Variants in LUC7L observed in about 807,000 individuals in gnomAD.
LUC7L encodes the protein putative RNA-binding protein Luc7-like 1.
A neutral mutation model predicts 51.1 loss-of-function variants in LUC7L; 29 were observed. The ratio of observed to expected loss-of-function variants is 0.57; its 90% CI spans 0.42 to 0.77. LUC7L has a LOEUF of 0.77. Ranked by LOEUF, LUC7L falls within the 30% of genes least tolerant of loss-of-function variation. LUC7L has a pLI of 0.00. For synonymous variants in LUC7L, 181 were observed against 180.7 expected, an observed-to-expected ratio of 1.00 and a Z score of -0.01; for missense variants, 403 against 511.9, an observed-to-expected ratio of 0.79 and a Z score of 2.05.
chr16:225,032 C>A (rs1208426614), intron 2 of LUC7L, among the ~76,000 whole-genome samples: 1 of 152,186 alleles, frequency 6.6e-6, no homozygotes, highest in Non-Finnish European at 1.5e-5. Flanking sequence ...TCAAGCAGAG[C>A]TGAAATATCA....
Position 189,053 on chromosome 16 carries a change from C to G in LUC7L, c.*145G>C. The G allele has an allele frequency of 1.1e-6, 1 of 916,766 alleles. No individual in the cohort carries two copies. Among genetic ancestry groups the G allele is most frequent in the Non-Finnish European group, 1.7e-6 (1 of 600,840 alleles). 56.8% of individuals were successfully genotyped at this position (916,766 alleles called of 1,614,324 possible). A position where few individuals can be genotyped will look rare whatever the true frequency, so the allele number is the denominator to read the frequency against. ...ATGACCCGGGAACACAGGAGCAACT[C>G]TGTACACTTCTAGAAACTCACAGCT... On this transcript the variant is annotated 3_prime_UTR_variant, in exon 10 of 10. Coordinates refer to ENST00000293872, the MANE Select transcript of LUC7L (RefSeq NM_201412.3).
At chr16:211,910 C>A (rs1241155113) in intron 3 of LUC7L, among the ~76,000 whole-genome samples, 1 of 152,164 alleles carries the variant, frequency 6.6e-6, no homozygotes, top group African/African-American at 2.4e-5. Flanking sequence ...GGTCACTGAG[C>A]CTGAGAAAAG....
rs184858254 is a variant in LUC7L at position 196,311 on chromosome 16, G to A, written c.687+2751C>T. On this transcript the variant is annotated intron_variant, in intron 6 of 9. Coordinates refer to ENST00000293872, the MANE Select transcript of LUC7L (RefSeq NM_201412.3). ...TAGTACCAGCTACTTGGAGGGCTGA[G>A]GCAGGAGTATCTCTTGAAGCTGGGA... is the stretch of plus-strand genomic sequence containing the variant. Among the ~76,000 whole-genome samples, 420 of 152,164 alleles carry A rather than the reference G, an allele frequency of 2.8e-3. 1 individual carries two copies. The highest frequency in any genetic ancestry group is 0.014 in the Middle Eastern group (4 of 294).
At chr16:196,537 T>C (rs1439968835) in intron 6 of LUC7L, among the ~76,000 whole-genome samples, 2 of 152,164 alleles carry the variant, frequency 1.3e-5, no homozygotes, top group African/African-American at 4.8e-5. Flanking sequence ...AAACAATTTT[T>C]TTTTCTTTAA....
At chr16:203,190 C>G (rs182404210) in intron 5 of LUC7L, among the ~76,000 whole-genome samples, 2 of 152,088 alleles carry the variant, frequency 1.3e-5, no homozygotes, top group East Asian at 3.8e-4. Flanking sequence ...TCTGCCAAAA[C>G]TCACACAAGA....
At chr16:189,834 T>C in intron 9 of LUC7L, 134 bp downstream of exon 9, 1 of 1,456,386 alleles carries the variant, frequency 6.9e-7, no homozygotes, top group Non-Finnish European at 9.0e-7. Flanking sequence ...CTGAGTCCCG[T>C]TCACGACTCC....
At chr16:207,815 C>A (rs1311108579) in intron 4 of LUC7L, among the ~76,000 whole-genome samples, 2 of 152,192 alleles carry the variant, frequency 1.3e-5, no homozygotes, top group Non-Finnish European at 2.9e-5. Flanking sequence ...CAAGACCATA[C>A]CGGCTAACAC....
intron 5 of LUC7L, among the ~76,000 whole-genome samples, chr16:202,727 C>T (rs984471908): frequency 6.6e-6 from 1 of 152,024 alleles, no homozygotes; most frequent in Non-Finnish European, 1.5e-5. Flanking sequence ...TATGACTGTA[C>T]TAATATCAGA....
chr16:222,387 A>G (rs1037332520), intron 2 of LUC7L, among the ~76,000 whole-genome samples: 1 of 151,012 alleles, frequency 6.6e-6, no homozygotes, highest in African/African-American at 2.4e-5. Flanking sequence ...CTGTAATCCC[A>G]ACACCTTTGG....
At position 229,359 on chromosome 16, in the gene LUC7L, G is replaced by C. The variant is rs1315033936; in HGVS notation, c.-20C>G. On this transcript the variant is annotated 5_prime_UTR_variant, in exon 1 of 10. Coordinates refer to ENST00000293872, the MANE Select transcript of LUC7L (RefSeq NM_201412.3). ...GGACATGGTAGCCGGCGGAGGCGACGGGGTCGGCCGCGACGACTTCTCTCA... is the reference window on the plus strand; with the variant it reads ...GGACATGGTAGCCGGCGGAGGCGACCGGGTCGGCCGCGACGACTTCTCTCA... 3.4e-6 allele frequency: 5 copies of C among 1,490,180 alleles called. No homozygotes were observed. The highest frequency in any genetic ancestry group is 4.5e-6 in the Non-Finnish European group (5 of 1,122,326). 92.3% of individuals were successfully genotyped at this position (1,490,180 alleles called of 1,614,324 possible).
intron 5 of LUC7L, among the ~76,000 whole-genome samples, chr16:202,851 G>A (rs1478245924): frequency 3.3e-5 from 5 of 152,136 alleles, no homozygotes; most frequent in African/African-American, 7.2e-5. Flanking sequence ...GAAATGGACC[G>A]ATCCCTTCAA....
At chr16:209,999 G>A (rs1172448537) in intron 3 of LUC7L, among the ~76,000 whole-genome samples, 1 of 152,126 alleles carries the variant, frequency 6.6e-6, no homozygotes, top group Non-Finnish European at 1.5e-5. Context: ...TTCAAAAACT[G>A]CCTCTTGGCC....
At chr16:224,694 G>A (rs888269187) in intron 2 of LUC7L, among the ~76,000 whole-genome samples, 4 of 151,638 alleles carry the variant, frequency 2.6e-5, no homozygotes, top group Non-Finnish European at 5.9e-5. Flanking sequence ...TTAGCCAGGT[G>A]TGGTGGCGGG....
chr16:189,524 G>A (rs2048952645), intron 9 of LUC7L, 185 bp from the exon 10 acceptor site: 1 of 1,390,940 alleles, frequency 7.2e-7, no homozygotes, highest in Non-Finnish European at 9.3e-7. Flanking sequence ...ATTAAAAAGT[G>A]ACCTTTGCGA....
intron 2 of LUC7L, among the ~76,000 whole-genome samples, chr16:222,689 A>G (rs1219916028): frequency 3.4e-5 from 5 of 148,776 alleles, no homozygotes; most frequent in Non-Finnish European, 7.4e-5. Flanking sequence ...CCCAGACTGT[A>G]GTGCAATCTC....
In LUC7L at chr16:189,307, G is replaced by C; in HGVS notation, c.1007C>G (p.Ser336Cys). 3.1e-6 allele frequency: 5 copies of C among 1,612,946 alleles called. No homozygotes were observed. Among genetic ancestry groups the C allele is most frequent in the Non-Finnish European group, 3.4e-6 (4 of 1,179,846 alleles). Residue 336 changes from serine (S) to cysteine (C), a missense_variant, in exon 10 of 10, where the codon TCC (serine) becomes TGC (cysteine). Physicochemically the swap from Ser to Cys is moderately radical, Grantham distance 112. This residue lies in a region of LUC7L where 206 missense variants were observed against 218.3 expected (regional missense o/e 0.94). Transcript: ENST00000293872. ...FSRERASREE[S>C]WESGRSERGP... The stretch of plus-strand genomic sequence containing the variant: ...TCGCTCGCTCCGCCCGCTCTCCCAG[G>C]ACTCCTCTCTGGATGCCCGCTCTCT...
At chr16:228,958 C>T in intron 1 of LUC7L, 1 of 1,414,678 alleles carries the variant, frequency 7.1e-7, no homozygotes, top group Non-Finnish European at 9.3e-7. Context: ...TTCCAGCCCT[C>T]CGCCGACTCC....
At chr16:204,214 C>T (rs969687054) in intron 5 of LUC7L, among the ~76,000 whole-genome samples, 1 of 151,032 alleles carries the variant, frequency 6.6e-6, no homozygotes, top group African/African-American at 2.4e-5. Flanking sequence ...GAGGCCAAGG[C>T]AGACGGATCA....
At chr16:203,665 G>A (rs1399585138) in intron 5 of LUC7L, among the ~76,000 whole-genome samples, 4 of 141,300 alleles carry the variant, frequency 2.8e-5, no homozygotes, top group Admixed American at 2.3e-4. Flanking sequence ...CCAAGATCGC[G>A]CCACTGCACT....
Sources: allele counts gnomAD v4.1 joint callset (sites outside exome capture counted in the v4.1 genomes callset), GRCh38; gene constraint gnomAD v4.1.1; regional missense constraint gnomAD v4.1.1; transcripts MANE v1.5; gene names NCBI Gene and HGNC (gene_info 2026-07-23, HGNC 2026-07-21).